GRSF1: variants seen among roughly 807,000 people sequenced by gnomAD.
The protein encoded by GRSF1 is G-rich RNA sequence binding factor 1, also known as G-rich sequence factor 1.
Under a neutral mutation model 51.1 loss-of-function variants are expected in GRSF1, and 50 were observed. The observed-to-expected ratio is 0.98, with a 90% CI of 0.78 to 1.24. GRSF1 has a LOEUF of 1.24. Ranked by LOEUF, GRSF1 falls within the 50% of genes most tolerant of loss-of-function variation. GRSF1 has a pLI of 0.00. For missense variants in GRSF1, 700 were observed against 639.7 expected (o/e 1.09, Z -1.02); for synonymous variants, 293 against 253.3 (o/e 1.16, Z -1.49).
In GRSF1 at chr4:70,833,106, G is replaced by C. The variant is rs375553071; in HGVS notation, c.670+12C>G. On this transcript the variant is annotated intron_variant, in intron 3 of 9. Coordinates refer to ENST00000254799, the MANE Select transcript of GRSF1 (RefSeq NM_002092.4). Reference sequence around the variant, plus strand: ...CAATGATCCCAAAAAGCCATAATCTGACTTCACATACCTTCCACATACCGC... The same window carrying C: ...CAATGATCCCAAAAAGCCATAATCTCACTTCACATACCTTCCACATACCGC... 6.2e-7 allele frequency: 1 copy of C among 1,608,278 alleles called. No homozygotes were observed.
In GRSF1 at chr4:70,825,424, G is replaced by A; in HGVS notation, c.1265C>T (p.Ala422Val). The change falls in exon 8 of 10, where the codon GCT (alanine) becomes GTT (valine). Residue 422 changes from alanine (A) to valine (V), a missense_variant. Ala to Val is a moderately conservative substitution (Grantham distance 64, BLOSUM62 0). Coordinates refer to ENST00000254799, the MANE Select transcript of GRSF1 (RefSeq NM_002092.4). ...GGTGATTCTAACAGGCTTGAGTGGA[G>A]CAAAAAACTAAACGACAAACAAAGG... ...ANAQDIINFF[A>V]PLKPVRITME... is the part of the protein sequence containing the mutation. 5.0e-6 allele frequency: 8 copies of A among 1,606,392 alleles called. No homozygotes were observed. Among genetic ancestry groups the A allele is most frequent in the Non-Finnish European group, 6.8e-6 (8 of 1,175,322 alleles).
upstream of GRSF1, among the ~76,000 whole-genome samples, chr4:70,840,483 C>G (rs1299763148): frequency 6.6e-6 from 1 of 152,094 alleles, no homozygotes; most frequent in South Asian, 2.1e-4. Context: ...AAAATTAGGT[C>G]GGACGCGGTG....
chr4:70,835,580 C>T (rs1734172931), intron 2 of GRSF1, among the ~76,000 whole-genome samples: 1 of 151,300 alleles, frequency 6.6e-6, no homozygotes. Flanking sequence ...CCTCAGCCTC[C>T]CAAGTAGCTG....
Position 70,823,974 on chromosome 4 carries a change from C to CTTTTTTTTTTTTTTTTTTT in GRSF1, c.*25+319_*25+320insAAAAAAAAAAAAAAAAAAA, listed in dbSNP as rs577909875. The stretch of plus-strand genomic sequence containing the variant: ...AAATAATTTCCACAGTTGTATCTCT[C>CTTTTTTTTTTTTTTTTTTT]TCTTTTTTTTTTTTTTTTTTGAGTC... On this transcript the variant is annotated intron_variant, in intron 9 of 9. Transcript: ENST00000254799. 3.5e-4 allele frequency among the ~76,000 whole-genome samples: 35 copies of CTTTTTTTTTTTTTTTTTTT among 100,960 alleles called. 14 individuals are homozygous for CTTTTTTTTTTTTTTTTTTT. Among genetic ancestry groups the CTTTTTTTTTTTTTTTTTTT allele is most frequent in the Non-Finnish European group, 3.6e-4 (19 of 53,518 alleles). 66.2% of individuals were successfully genotyped at this position (100,960 alleles called of 152,430 possible).
rs999549296 is a variant in GRSF1, at chr4:70,817,290, G to A, written c.*3597C>T. ...GCAGCAACAGTCATGGCTCACTGCA[G>A]GCTTGACTTCCCAGGCTCAAGCAGT... On this transcript the variant is annotated 3_prime_UTR_variant, in exon 10 of 10. Coordinates refer to ENST00000254799, the MANE Select transcript of GRSF1 (RefSeq NM_002092.4). The A allele has an allele frequency of 6.6e-6, 1 of 151,796 alleles. No individual in the cohort carries two copies. The highest frequency in any genetic ancestry group is 1.5e-5 in the Non-Finnish European group (1 of 68,026). 9.4% of individuals were successfully genotyped at this position (151,796 alleles called of 1,614,324 possible). A position where few individuals can be genotyped will look rare whatever the true frequency, so the allele number is the denominator to read the frequency against.
At chr4:70,823,457 A>G (rs1254185380) in intron 9 of GRSF1, among the ~76,000 whole-genome samples, 1 of 140,238 alleles carries the variant, frequency 7.1e-6, no homozygotes, top group Non-Finnish European at 1.5e-5. Flanking sequence ...TATCATAATT[A>G]ATTCTATTTC....
At chr4:70,837,101 C>G (rs1238528030) in intron 1 of GRSF1, among the ~76,000 whole-genome samples, 1 of 152,190 alleles carries the variant, frequency 6.6e-6, no homozygotes, top group Non-Finnish European at 1.5e-5. Context: ...CCTCTGTCAG[C>G]TGGTATGCCA....
intron 1 of GRSF1, chr4:70,838,979 A>C (rs1443533491): frequency 1.4e-5 from 6 of 415,528 alleles, no homozygotes; most frequent in Non-Finnish European, 2.1e-5. Context: ...CTTCCCTACA[A>C]GCCAGCCCAC....
At position 70,832,502 on chromosome 4, in the gene GRSF1, A is replaced by G. The variant is rs1036512632; in HGVS notation, c.671-52T>C. The G allele has an allele frequency of 1.3e-5, 14 of 1,096,484 alleles. No individual in the cohort carries two copies. The African/African-American group carries it at 2.0e-4, about 16-fold the overall frequency. The allele number at this position is 1,096,484 out of a possible 1,614,324, so 67.9% of individuals were successfully genotyped here. On this transcript the variant is annotated intron_variant, in intron 3 of 9. Transcript: ENST00000254799. ...GAAAAATTTACATAACAAAGGAACAAACCCATTAAAAAAAATCATTACAAC... is the reference window on the plus strand; with the variant it reads ...GAAAAATTTACATAACAAAGGAACAGACCCATTAAAAAAAATCATTACAAC...
chr4:70,833,219 C>T lies in GRSF1; in HGVS notation c.569G>A (p.Gly190Glu). Residue 190 changes from glycine (G) to glutamate (E), a missense_variant, in exon 3 of 10, where the codon GGG (glycine) becomes GAG (glutamate). By Grantham distance (98) the Gly-to-Glu change is moderately conservative. Coordinates refer to ENST00000254799, the MANE Select transcript of GRSF1 (RefSeq NM_002092.4). ...AATTAAGGCATCACCCCTTCGTTTC[C>T]CATCTCTGTTTAGGAGAAAATGTAT... ...NGIHFLLNRD[G>E]KRRGDALIEM... 1.9e-6 allele frequency: 3 copies of T among 1,613,892 alleles called. No individual in the cohort carries two copies. Among genetic ancestry groups the T allele is most frequent in the African/African-American group, 2.7e-5 (2 of 75,052 alleles).
rs1479127475 is a variant in GRSF1, at chr4:70,819,401, T to C, written c.*1486A>G. ...TGATGATGTTAAGCTGGTTAAGTCA[T>C]GTTCACAGGATTTTAGAGAACACAC... On this transcript the variant is annotated 3_prime_UTR_variant, in exon 10 of 10. Coordinates refer to ENST00000254799, the MANE Select transcript of GRSF1 (RefSeq NM_002092.4). 6.6e-6 allele frequency: 1 copy of C among 152,204 alleles called. No homozygotes were observed. Among genetic ancestry groups the C allele is most frequent in the Non-Finnish European group, 1.5e-5 (1 of 68,030 alleles). 9.4% of individuals were successfully genotyped at this position (152,204 alleles called of 1,614,324 possible). A position where few individuals can be genotyped will look rare whatever the true frequency, so the allele number is the denominator to read the frequency against.
At chr4:70,828,149 G>C (rs1733808646) in intron 5 of GRSF1, 113 bp from the exon 6 acceptor site, 19 of 747,046 alleles carry the variant, frequency 2.5e-5, no homozygotes, top group Non-Finnish European at 4.2e-5. Context: ...AAACACAGGT[G>C]TCAAAAGATA....
At chr4:70,840,848 G>A (rs577369859), upstream of GRSF1, among the ~76,000 whole-genome samples, 33 of 152,216 alleles carry the variant, frequency 2.2e-4, no homozygotes, top group Non-Finnish European at 3.5e-4. Context: ...GCTGCCCTGC[G>A]CTGTGCCACC....
intron 7 of GRSF1, chr4:70,825,857 G>A (rs1048659297): frequency 4.1e-5 from 14 of 339,870 alleles, no homozygotes; most frequent in South Asian, 1.5e-4. Context: ...GCTTGAACCC[G>A]GGAGGCAGAG....
At position 70,819,559 on chromosome 4, in the gene GRSF1, G is replaced by T. The variant is rs1733429164; in HGVS notation, c.*1328C>A. ...AGCCTGAAACAAGTCTTCATTTATT[G>T]ACTACAGTACAGTGATTTCGCATCT... On this transcript the variant is annotated 3_prime_UTR_variant, in exon 10 of 10. Coordinates refer to ENST00000254799, the MANE Select transcript of GRSF1 (RefSeq NM_002092.4). 1 of 152,284 alleles carries T rather than the reference G, an allele frequency of 6.6e-6. No homozygotes were observed. The highest frequency in any genetic ancestry group is 1.5e-5 in the Non-Finnish European group (1 of 68,024). 9.4% of individuals were successfully genotyped at this position (152,284 alleles called of 1,614,324 possible).
chr4:70,821,386 T>C (rs906101672), intron 9 of GRSF1, among the ~76,000 whole-genome samples: 4 of 151,922 alleles, frequency 2.6e-5, no homozygotes, highest in East Asian at 1.9e-4. Context: ...GACTGTGCCA[T>C]TGCACTCCAA....
At chr4:70,838,203 A>G (rs1045718238) in intron 1 of GRSF1, among the ~76,000 whole-genome samples, 8 of 118,560 alleles carry the variant, frequency 6.7e-5, no homozygotes, top group Admixed American at 1.1e-4. Flanking sequence ...TGGGCGACAG[A>G]GCGAGACTCG....
intron 5 of GRSF1, among the ~76,000 whole-genome samples, chr4:70,830,925 T>C (rs980184007): frequency 9.9e-5 from 15 of 152,200 alleles, no homozygotes; most frequent in African/African-American, 3.4e-4. Context: ...ACATTGAAAT[T>C]ATGTAAAAAA....
At chr4:70,842,229 G>T (rs1002393124), upstream of GRSF1, among the ~76,000 whole-genome samples, 10 of 152,212 alleles carry the variant, frequency 6.6e-5, no homozygotes, top group African/African-American at 2.4e-4. Flanking sequence ...GGCCAGTTGA[G>T]GCCTCAGGGG....
Sources: allele counts gnomAD v4.1 joint callset (sites outside exome capture counted in the v4.1 genomes callset), GRCh38; gene constraint gnomAD v4.1.1; transcripts MANE v1.5; gene names NCBI Gene and HGNC (gene_info 2026-07-23, HGNC 2026-07-21).